The following PIGF variants were observed in gnomAD, a reference collection of about 807,000 sequenced individuals.
The protein encoded by PIGF is GPI ethanolamine phosphate transferase, stabilizing subunit.
Under a neutral mutation model 26.0 loss-of-function variants are expected in PIGF, and 23 were observed. The ratio of observed to expected loss-of-function variants is 0.88; its 90% CI spans 0.64 to 1.25. The LOEUF (loss-of-function observed/expected upper bound fraction) is 1.25, where lower values mean the gene tolerates loss of function less well. PIGF is among the 50% of genes most tolerant of loss of function. The pLI is 0.00. For missense variants in PIGF, 278 were observed against 249.9 expected, an observed-to-expected ratio of 1.11 and a Z score of -0.76; for synonymous variants, 93 against 92.6, an observed-to-expected ratio of 1.00 and a Z score of -0.03.
chr2:46,590,048 G>C (rs1017013677), intron 5 of PIGF, among the ~76,000 whole-genome samples: 10 of 151,938 alleles, frequency 6.6e-5, no homozygotes, highest in African/African-American at 1.9e-4. Flanking sequence ...CATTAACTTG[G>C]AATATTCTAA....
At chr2:46,597,465 T>C (rs1375632461) in intron 4 of PIGF, among the ~76,000 whole-genome samples, 3 of 151,662 alleles carry the variant, frequency 2.0e-5, no homozygotes, top group South Asian at 4.2e-4. Flanking sequence ...CAGGCTGGAG[T>C]GCAGTGGCAC....
At chr2:46,606,003 T>G (rs1397843210) in intron 4 of PIGF, among the ~76,000 whole-genome samples, 1 of 152,200 alleles carries the variant, frequency 6.6e-6, no homozygotes, top group Non-Finnish European at 1.5e-5. Context: ...ACTAGGCTGT[T>G]CTCCAGTATG....
chr2:46,596,232 T>C lies in PIGF; in HGVS notation c.438-3649A>G, dbSNP rs373375963. Reference sequence around the variant, plus strand: ...CATCTCAAAAAAAAAAAAAAAAAGATTGATGTATGTATCTTTCTAACCTCT... The same window carrying C: ...CATCTCAAAAAAAAAAAAAAAAAGACTGATGTATGTATCTTTCTAACCTCT... On this transcript the variant is annotated intron_variant, in intron 4 of 5. Coordinates refer to ENST00000281382, the MANE Select transcript of PIGF (RefSeq NM_002643.4). Among the ~76,000 whole-genome samples the C allele has an allele frequency of 4.0e-5, 6 of 148,386 alleles. No individual in the cohort carries two copies. The East Asian group carries it at 1.2e-3, about 29-fold the overall frequency.
At position 46,615,417 on chromosome 2, in the gene PIGF, T is replaced by C. The variant is rs563816841; in HGVS notation, c.-21-232A>G. 289 of 323,230 alleles carry C rather than the reference T, an allele frequency of 8.9e-4. 1 individual carries two copies. The highest frequency in any genetic ancestry group is 5.5e-3 in the African/African-American group (260 of 47,120). 20.0% of individuals were successfully genotyped at this position (323,230 alleles called of 1,614,324 possible). A position where few individuals can be genotyped will look rare whatever the true frequency, so the allele number is the denominator to read the frequency against. On this transcript the variant is annotated intron_variant, in intron 1 of 5. Coordinates refer to ENST00000281382, the MANE Select transcript of PIGF (RefSeq NM_002643.4). ...TCTCAGAGCCTAAAAAGAACAAATT[T>C]ACTAATTTCTTAAATATTGTGACTG...
chr2:46,612,705 G>T (rs1670463715), intron 3 of PIGF, among the ~76,000 whole-genome samples: 1 of 151,956 alleles, frequency 6.6e-6, no homozygotes, highest in African/African-American at 2.4e-5. Flanking sequence ...ATACACTATT[G>T]AACCACTATT....
At chr2:46,614,387 C>T (rs1354600175) in intron 2 of PIGF, 2 of 153,612 alleles carry the variant, frequency 1.3e-5, no homozygotes, top group African/African-American at 4.8e-5. Flanking sequence ...AATGACCTAA[C>T]AGAGCTTATA....
rs758862913 is a variant in PIGF, at chr2:46,613,749, T to A, written c.265A>T (p.Met89Leu). 7.1e-6 allele frequency: 11 copies of A among 1,553,502 alleles called. No homozygotes were observed. The highest frequency in any genetic ancestry group is 1.4e-5 in the African/African-American group (1 of 73,454). ...ATTACATGAAAGGAGAAACAAGACA[T>A]AAGAAAGTAGATACAGCATTTCAAA... is the stretch of plus-strand genomic sequence containing the variant. ...GFLKCCIYFL[M>L]SCFSFHVIFV... is the part of the protein sequence containing the mutation. Residue 89 changes from methionine (M) to leucine (L), a missense_variant, in exon 3 of 6, where the codon ATG (methionine) becomes TTG (leucine). By Grantham distance (15) the Met-to-Leu change is conservative. Coordinates refer to ENST00000281382, the MANE Select transcript of PIGF (RefSeq NM_002643.4).
At chr2:46,601,741 T>C (rs1156752145) in intron 4 of PIGF, among the ~76,000 whole-genome samples, 4 of 152,048 alleles carry the variant, frequency 2.6e-5, no homozygotes, top group Non-Finnish European at 5.9e-5. Context: ...CCACAGTGGT[T>C]GCTTCAATAT....
At chr2:46,609,605 T>A (rs1670339985) in intron 4 of PIGF, among the ~76,000 whole-genome samples, 1 of 152,164 alleles carries the variant, frequency 6.6e-6, no homozygotes, top group African/African-American at 2.4e-5. Context: ...AAGTAAAATT[T>A]TCCTTTCACT....
chr2:46,596,313 G>T (rs1225834253), intron 4 of PIGF, among the ~76,000 whole-genome samples: 1 of 151,674 alleles, frequency 6.6e-6, no homozygotes, highest in Non-Finnish European at 1.5e-5. Context: ...ATTTTTCACG[G>T]TTCCAGCACA....
At chr2:46,609,964 G>A (rs1670358137) in intron 4 of PIGF, among the ~76,000 whole-genome samples, 1 of 152,148 alleles carries the variant, frequency 6.6e-6, no homozygotes, top group Non-Finnish European at 1.5e-5. Flanking sequence ...TTGATGCAGG[G>A]TTGCCACAAA....
At chr2:46,583,579 T>C (rs990322566) in intron 5 of PIGF, among the ~76,000 whole-genome samples, 1 of 152,190 alleles carries the variant, frequency 6.6e-6, no homozygotes, top group African/African-American at 2.4e-5. Flanking sequence ...TTTGGTTCTT[T>C]AGTTTTTCTT....
chr2:46,581,627 AT>A lies in PIGF; in HGVS notation c.547-37del, dbSNP rs778739438. The stretch of plus-strand genomic sequence containing the variant: ...AATGTATGAGATCAAAAAAGAACAA[AT>A]GTTTTATTATTACTTGAGCACAAGT... On this transcript the variant is annotated intron_variant, in intron 5 of 5. Coordinates refer to ENST00000281382, the MANE Select transcript of PIGF (RefSeq NM_002643.4). 3.1e-5 allele frequency: 50 copies of A among 1,597,562 alleles called. No homozygotes were observed. In the South Asian group the frequency reaches 4.1e-4, roughly 13 times the overall value.
At chr2:46,614,059 T>C (rs777199084) in intron 2 of PIGF, 5 of 285,992 alleles carry the variant, frequency 1.7e-5, no homozygotes, top group Middle Eastern at 1.0e-3. Context: ...CATGGTAATA[T>C]AGAGCTATGT....
chr2:46,596,678 A>T (rs907488172), intron 4 of PIGF, among the ~76,000 whole-genome samples: 1 of 151,946 alleles, frequency 6.6e-6, no homozygotes, highest in Non-Finnish European at 1.5e-5. Flanking sequence ...AAAAAAACAT[A>T]AATTAAGTAT....
chr2:46,598,919 CG>C (rs1334477075), intron 4 of PIGF, among the ~76,000 whole-genome samples: 1 of 152,132 alleles, frequency 6.6e-6, no homozygotes, highest in African/African-American at 2.4e-5. Flanking sequence ...AATTCAAGCA[CG>C]GGGATGCACA....
chr2:46,614,812 G>C (rs1277659167), intron 2 of PIGF, 125 bp downstream of exon 2: 1 of 589,604 alleles, frequency 1.7e-6, no homozygotes, highest in Non-Finnish European at 3.1e-6. Flanking sequence ...AATTTGGGGG[G>C]AAAAATATCA....
chr2:46,610,720 G>A (rs1670385111), intron 4 of PIGF, among the ~76,000 whole-genome samples: 1 of 151,884 alleles, frequency 6.6e-6, no homozygotes, highest in Admixed American at 6.6e-5. Flanking sequence ...AGTAGAGATG[G>A]GGTTTCACCA....
In PIGF at chr2:46,588,134, G is replaced by A; in HGVS notation, c.546+4341C>T. ...TTCACAGTACCAAGCCCCCTGCAGG[G>A]TACATGGAGAGATCTATAAGTGCTA... is the stretch of plus-strand genomic sequence containing the variant. On this transcript the variant is annotated intron_variant, in intron 5 of 5. Transcript: ENST00000281382. The surrounding 1 kb of genome is among the most constrained non-coding windows in gnomAD (Gnocchi z 4.1). The A allele has an allele frequency of 6.2e-7, 1 of 1,612,814 alleles. No homozygotes were observed. The highest frequency in any genetic ancestry group is 8.5e-7 in the Non-Finnish European group (1 of 1,179,362).
Sources: allele counts gnomAD v4.1 joint callset (sites outside exome capture counted in the v4.1 genomes callset), GRCh38; gene constraint gnomAD v4.1.1; non-coding constraint Gnocchi (gnomAD v3.1); transcripts MANE v1.5; gene names NCBI Gene and HGNC (gene_info 2026-07-23, HGNC 2026-07-21).